Variants in GTPBP1 observed in about 807,000 individuals in gnomAD.
GTPBP1 encodes GTP-binding protein 1.
In GTPBP1, 23 loss-of-function variants were observed where a neutral mutation model predicts 62.0. The observed-to-expected ratio is 0.37, with a 90% CI of 0.27 to 0.53. GTPBP1 has a LOEUF of 0.53. Among genes scored for constraint, GTPBP1 ranks in the 20% least tolerant of loss-of-function variants. The pLI is 0.89. For synonymous variants in GTPBP1, 344 were observed against 364.4 expected, an observed-to-expected ratio of 0.94 and a Z score of 0.64; for missense variants, 640 against 917.3, an observed-to-expected ratio of 0.70 and a Z score of 3.90.
At chr22:38,718,592 G>A (rs1295909679) in intron 4 of GTPBP1, among the ~76,000 whole-genome samples, 1 of 152,208 alleles carries the variant, frequency 6.6e-6, no homozygotes, top group South Asian at 2.1e-4. Flanking sequence ...GAAGACTGTG[G>A]AAGTGTCCTG....
intron 1 of GTPBP1, 21 bp downstream of exon 1, chr22:38,706,168 C>T (rs2092602888): frequency 1.6e-6 from 2 of 1,226,738 alleles, no homozygotes; most frequent in East Asian, 6.4e-5. Flanking sequence ...GCGGCGGCGG[C>T]GGGCGCTGAG....
chr22:38,735,723 G>A (rs2092799347), downstream of GTPBP1: 1 of 162,066 alleles, frequency 6.2e-6, no homozygotes. Flanking sequence ...TGTGGTTCAT[G>A]CTTCCCTAGG....
chr22:38,738,860 G>T, downstream of GTPBP1: 1 of 1,598,772 alleles, frequency 6.3e-7, no homozygotes, highest in East Asian at 2.2e-5. This position sits in a 1 kb window ranked among gnomAD's most constrained non-coding sequence, Gnocchi z 6.6. Flanking sequence ...TGCTGTGCTT[G>T]CCAGGTGCCC....
intron 5 of GTPBP1, among the ~76,000 whole-genome samples, chr22:38,722,329 T>C (rs1488809784): frequency 1.3e-5 from 2 of 152,236 alleles, no homozygotes; most frequent in Non-Finnish European, 1.5e-5. Flanking sequence ...AGCTGTGATC[T>C]TTGTTAGCTT....
downstream of GTPBP1, chr22:38,735,509 C>T: frequency 3.5e-6 from 1 of 285,244 alleles, no homozygotes; most frequent in Non-Finnish European, 6.9e-6. Flanking sequence ...CTAGCAGGAA[C>T]AGGGAGCAGG....
At chr22:38,724,446 C>A (rs747075452) in intron 6 of GTPBP1, 35 bp downstream of exon 6, 4 of 1,261,882 alleles carry the variant, frequency 3.2e-6, no homozygotes, top group African/African-American at 2.9e-5. Flanking sequence ...CAGACAGGCA[C>A]CCTTGCAGGC....
intron 2 of GTPBP1, 23 bp downstream of exon 2, chr22:38,708,979 T>C (rs1289296095): frequency 1.4e-6 from 2 of 1,411,404 alleles, no homozygotes; most frequent in Non-Finnish European, 2.0e-6. Context: ...TTCCTTTCAC[T>C]TTATTTTTAA....
intron 2 of GTPBP1, among the ~76,000 whole-genome samples, chr22:38,711,456 A>G (rs1054584082): frequency 2.0e-5 from 3 of 152,224 alleles, no homozygotes; most frequent in Non-Finnish European, 4.4e-5. Flanking sequence ...ATTCAAGGAA[A>G]TCATCGTGAA....
chr22:38,741,269 T>A (rs1227375409), downstream of GTPBP1, among the ~76,000 whole-genome samples: 1 of 152,086 alleles, frequency 6.6e-6, no homozygotes, highest in Non-Finnish European at 1.5e-5. Flanking sequence ...ACTCAGCACA[T>A]GCACACCAGC....
At chr22:38,719,495 A>G (rs2092688139) in intron 4 of GTPBP1, among the ~76,000 whole-genome samples, 1 of 151,950 alleles carries the variant, frequency 6.6e-6, no homozygotes, top group South Asian at 2.1e-4. Context: ...TTTAGAGACG[A>G]GATCTTGCTA....
In GTPBP1 at chr22:38,705,964, G is replaced by C. The variant is rs777504000; in HGVS notation, c.9G>C (p.Thr3=). ...AGCCTAAGTTATTAAAGATGGCGAC[G>C]GAGCGCAGTCGCTCCGCGATGGACT... The part of the protein sequence containing the change: MA[T]ERSRSAMDSP... Residue 3 remains threonine (T), a synonymous_variant, in exon 1 of 12, where the codon ACG becomes ACC. Transcript: ENST00000216044. The C allele has an allele frequency of 1.1e-5, 16 of 1,442,966 alleles. No homozygotes were observed. In the East Asian group the frequency reaches 4.5e-4, roughly 40 times the overall value. The allele number at this position is 1,442,966 out of a possible 1,614,324, so 89.4% of individuals were successfully genotyped here. A position where few individuals can be genotyped will look rare whatever the true frequency, so the allele number is the denominator to read the frequency against.
At chr22:38,740,057 G>T, downstream of GTPBP1, 1 of 1,310,556 alleles carries the variant, frequency 7.6e-7, no homozygotes, top group Non-Finnish European at 1.0e-6. This position sits in a 1 kb window ranked among gnomAD's most constrained non-coding sequence, Gnocchi z 4.8. Flanking sequence ...GGAGGCCACT[G>T]GAGGAAAGAG....
In GTPBP1 at chr22:38,730,861, G is replaced by A; in HGVS notation, c.*157G>A. On this transcript the variant is annotated 3_prime_UTR_variant, in exon 12 of 12. Transcript: ENST00000216044. The surrounding 1 kb of genome is among the most constrained non-coding windows in gnomAD (Gnocchi z 5.6). ...CCCACCCCCATTTTCCAGGGGGGTT[G>A]TAATTTATAAGCTGACGAAGGTAGC... 5.3e-6 allele frequency: 3 copies of A among 561,220 alleles called. No individual in the cohort carries two copies. Among genetic ancestry groups the A allele is most frequent in the Non-Finnish European group, 9.4e-6 (3 of 319,002 alleles). 34.8% of individuals were successfully genotyped at this position (561,220 alleles called of 1,614,324 possible). A position where few individuals can be genotyped will look rare whatever the true frequency, so the allele number is the denominator to read the frequency against.
chr22:38,735,374 G>T (rs1382894003), downstream of GTPBP1: 2 of 378,722 alleles, frequency 5.3e-6, no homozygotes, highest in African/African-American at 2.1e-5. Flanking sequence ...CCCCACAAGA[G>T]CCCAGGAGTT....
chr22:38,729,782 C>G lies in GTPBP1; in HGVS notation c.1917+120C>G, dbSNP rs562890180. On this transcript the variant is annotated intron_variant, in intron 11 of 11. Transcript: ENST00000216044. ...TGGCTAGAGGGTCTCCTCCACAGCT[C>G]TGGCACTGAAGTGCTCCTAAGAATG... 18 of 652,020 alleles carry G rather than the reference C, an allele frequency of 2.8e-5. No individual in the cohort carries two copies. In the African/African-American group the frequency reaches 3.4e-4, roughly 12 times the overall value. 40.4% of individuals were successfully genotyped at this position (652,020 alleles called of 1,614,324 possible).
At position 38,721,731 on chromosome 22, in the gene GTPBP1, T is replaced by C; in HGVS notation, c.835-11T>C. 3 of 1,609,282 alleles carry C rather than the reference T, an allele frequency of 1.9e-6. 1 individual carries two copies. On this transcript the variant is annotated splice_polypyrimidine_tract_variant and intron_variant, in intron 4 of 11. Coordinates refer to ENST00000216044, the MANE Select transcript of GTPBP1 (RefSeq NM_004286.5). ...CTCTCGTCCTGACACTTCCTTTCTG[T>C]GTTGGGGCAGGTGGGCAGCAATGCT...
rs1429116182 is a variant in GTPBP1 at position 38,725,993 on chromosome 22, T to C, written c.1074-13T>C. 6.2e-7 allele frequency: 1 copy of C among 1,612,854 alleles called. No individual in the cohort carries two copies. Among genetic ancestry groups the C allele is most frequent in the African/African-American group, 1.3e-5 (1 of 74,860 alleles). ...CTCTCTCCTTTTTTCCTTCCTCTTC[T>C]CCCTCTGCTTAGGATGTGCCCGATA... On this transcript the variant is annotated splice_polypyrimidine_tract_variant and intron_variant, in intron 6 of 11. Coordinates refer to ENST00000216044, the MANE Select transcript of GTPBP1 (RefSeq NM_004286.5).
downstream of GTPBP1, chr22:38,739,539 G>T: frequency 1.5e-6 from 2 of 1,368,210 alleles, no homozygotes; most frequent in South Asian, 2.4e-5. The surrounding 1 kb of genome is among the most constrained non-coding windows in gnomAD (Gnocchi z 6.7). Context: ...CTTGCACTGT[G>T]CTGGTGCCCA....
chr22:38,741,344 C>T (rs993061389), downstream of GTPBP1: 13 of 814,108 alleles, frequency 1.6e-5, no homozygotes, highest in South Asian at 8.2e-5. Context: ...ACTAAGGGGT[C>T]GGGGGTCAAA....
Sources: gnomAD v4.1 joint callset for allele counts (sites outside exome capture counted in the v4.1 genomes callset) on GRCh38, gnomAD v4.1.1 for gene constraint, Gnocchi (gnomAD v3.1) non-coding constraint, MANE v1.5 for transcripts, NCBI Gene and HGNC (gene_info 2026-07-23, HGNC 2026-07-21) for gene names.